FAM193B: variants seen among roughly 807,000 people sequenced by gnomAD.
FAM193B encodes protein FAM193B.
A neutral mutation model predicts 70.7 loss-of-function variants in FAM193B; 27 were observed. That is an observed-to-expected ratio of 0.38 (90% CI 0.28 to 0.53). FAM193B has a LOEUF of 0.53. Ranked by LOEUF, FAM193B falls within the 20% of genes least tolerant of loss-of-function variation. The pLI, the probability that FAM193B is intolerant of heterozygous loss-of-function variation, is 0.81. For missense variants in FAM193B, 1,022 were observed against 1,072.5 expected, an observed-to-expected ratio of 0.95 and a Z score of 0.66; for synonymous variants, 448 against 436.0, an observed-to-expected ratio of 1.03 and a Z score of -0.34.
Position 177,524,962 on chromosome 5 carries a change from C to G in FAM193B, c.1519G>C (p.Ala507Pro), listed in dbSNP as rs1240999104. 2.7e-6 allele frequency: 4 copies of G among 1,508,842 alleles called. No homozygotes were observed. The Admixed American group carries it at 9.3e-5, about 35-fold the overall frequency. The allele number at this position is 1,508,842 out of a possible 1,614,324, so 93.5% of individuals were successfully genotyped here. A position where few individuals can be genotyped will look rare whatever the true frequency, so the allele number is the denominator to read the frequency against. ...MDSNGFSKEGAAEPEPQSLPP... is the reference protein window; with the variant it reads ...MDSNGFSKEGPAEPEPQSLPP... The stretch of plus-strand genomic sequence containing the variant: ...AGACTCTGAGGCTCAGGCTCAGCAG[C>G]CCCCTCCTTAGAGAAGCCATTGCTG... The change falls in exon 6 of 9, where the codon GCT becomes CCT. Residue 507 changes from alanine to proline, a missense_variant. By Grantham distance (27) the Ala-to-Pro change is conservative. Transcript: ENST00000514747.
intron 5 of FAM193B, among the ~76,000 whole-genome samples, chr5:177,530,405 C>A (rs938118521): frequency 2.0e-5 from 3 of 152,206 alleles, no homozygotes; most frequent in African/African-American, 4.8e-5. Context: ...ACCAAGCAAA[C>A]ACCTGGGAGA....
At chr5:177,545,004 C>T (rs1238804791) in intron 1 of FAM193B, among the ~76,000 whole-genome samples, 1 of 151,934 alleles carries the variant, frequency 6.6e-6, no homozygotes, top group East Asian at 1.9e-4. Flanking sequence ...GTCTATTAAG[C>T]CAGATGAAAA....
Position 177,554,240 on chromosome 5 carries a change from C to G in FAM193B, c.210+9G>C. 1 of 1,484,850 alleles carries G rather than the reference C, an allele frequency of 6.7e-7. No homozygotes were observed. The highest frequency in any genetic ancestry group is 8.9e-7 in the Non-Finnish European group (1 of 1,121,674). The allele number at this position is 1,484,850 out of a possible 1,614,324, so 92.0% of individuals were successfully genotyped here. On this transcript the variant is annotated intron_variant, in intron 1 of 8. Transcript: ENST00000514747. Reference sequence around the variant, plus strand: ...CCCGAGCCGCCGAAGTCTCCCCGCTCGCTCCTACCTGCGGGCCGGGCACCA... The same window carrying G: ...CCCGAGCCGCCGAAGTCTCCCCGCTGGCTCCTACCTGCGGGCCGGGCACCA...
chr5:177,549,187 C>CTTT (rs141797022), intron 1 of FAM193B, among the ~76,000 whole-genome samples: 44 of 92,784 alleles, frequency 4.7e-4, no homozygotes, highest in African/African-American at 6.1e-4. Context: ...ATTGTCTTTT[C>CTTT]TTTTTTTTTT....
At chr5:177,550,337 G>T (rs1025153880) in intron 1 of FAM193B, among the ~76,000 whole-genome samples, 6 of 152,144 alleles carry the variant, frequency 3.9e-5, no homozygotes, top group Non-Finnish European at 8.8e-5. Flanking sequence ...GATTCTAAGG[G>T]GGAGGTCCCC....
chr5:177,524,599 C>CGTGT lies in FAM193B; in HGVS notation c.1881_1882insACAC (p.Val628ThrfsTer62). 1 of 1,611,386 alleles carries CGTGT rather than the reference C, an allele frequency of 6.2e-7. No homozygotes were observed. The highest frequency in any genetic ancestry group is 1.7e-5 in the Admixed American group (1 of 59,648). On this transcript the variant is annotated frameshift_variant, in exon 6 of 9. Coordinates refer to ENST00000514747, the MANE Select transcript of FAM193B (RefSeq NM_001190946.3). LOFTEE classifies it high-confidence loss of function. ...TTCTGTGGCTTCCCACCTGAGGACACAGGCTCAGGCAGCTCCTGCTTGCAA... is the reference window on the plus strand; with the variant it reads ...TTCTGTGGCTTCCCACCTGAGGACACGTGTAGGCTCAGGCAGCTCCTGCTTGCAA...
At chr5:177,547,082 GCC>G (rs1765520757) in intron 1 of FAM193B, 1 of 152,190 alleles carries the variant, frequency 6.6e-6, no homozygotes, top group Non-Finnish European at 1.5e-5. Context: ...ATTTCTTTGA[GCC>G]TCAATTTCCT....
chr5:177,552,916 AT>A (rs369200914), intron 1 of FAM193B, among the ~76,000 whole-genome samples: 2 of 152,126 alleles, frequency 1.3e-5, no homozygotes, highest in African/African-American at 4.8e-5. Flanking sequence ...TCACCTAGTT[AT>A]TTTTATTCTG....
intron 8 of FAM193B, among the ~76,000 whole-genome samples, 198 bp downstream of exon 8, chr5:177,521,776 G>A (rs139734480): frequency 3.3e-5 from 5 of 152,352 alleles, no homozygotes; most frequent in East Asian, 3.9e-4. Flanking sequence ...ACAGGTGAGT[G>A]GCTGCGGGAG....
chr5:177,524,667 C>G lies in FAM193B; in HGVS notation c.1814G>C (p.Gly605Ala), dbSNP rs1006700430. ...RVIWVKTPKPGYPSSEEPSSK... is the reference protein window; with the variant it reads ...RVIWVKTPKPAYPSSEEPSSK... Reference sequence around the variant, plus strand: ...GCTTGGCTCCTCGGAGCTGGGGTAGCCCGGCTTGGGTGTCTTGACCCAGAT... The same window carrying G: ...GCTTGGCTCCTCGGAGCTGGGGTAGGCCGGCTTGGGTGTCTTGACCCAGAT... The change falls in exon 6 of 9, where the codon GGC becomes GCC. Residue 605 changes from glycine (G) to alanine (A), a missense_variant. Coordinates refer to ENST00000514747, the MANE Select transcript of FAM193B (RefSeq NM_001190946.3). The G allele has an allele frequency of 1.2e-5, 20 of 1,611,730 alleles. No individual in the cohort carries two copies. The highest frequency in any genetic ancestry group is 1.6e-5 in the Non-Finnish European group (19 of 1,179,156).
intron 8 of FAM193B, among the ~76,000 whole-genome samples, chr5:177,520,513 G>C (rs1020823659): frequency 6.6e-6 from 1 of 152,200 alleles, no homozygotes; most frequent in Non-Finnish European, 1.5e-5. Flanking sequence ...TGCACAGCCC[G>C]GGGGAGGGTG....
chr5:177,523,358 TTTTG>T (rs544864583), intron 7 of FAM193B: 143 of 246,832 alleles, frequency 5.8e-4, no homozygotes, highest in Admixed American at 1.3e-3. Context: ...ATTTTTTGTG[TTTTG>T]TTTTTTTTCC....
At position 177,524,188 on chromosome 5, in the gene FAM193B, A is replaced by G. The variant is rs1461395294; in HGVS notation, c.2293T>C (p.Leu765=). The stretch of plus-strand genomic sequence containing the variant: ...GCTCAGTTCCTGGTGCACTCACCCA[A>G]GGAGGAGGCTGGCTTCTCCTGCTTG... The part of the protein sequence containing the change: ...RNKQEKPASS[L]DDVFLPKDMD... The change falls in exon 6 of 9, where the codon TTG becomes CTG. Residue 765 remains leucine, a synonymous_variant. Coordinates refer to ENST00000514747, the MANE Select transcript of FAM193B (RefSeq NM_001190946.3). 3 of 1,564,320 alleles carry G rather than the reference A, an allele frequency of 1.9e-6. No individual in the cohort carries two copies. Among genetic ancestry groups the G allele is most frequent in the East Asian group, 4.6e-5 (2 of 43,952 alleles).
chr5:177,541,906 T>C (rs572800483), intron 1 of FAM193B, among the ~76,000 whole-genome samples: 1 of 152,352 alleles, frequency 6.6e-6, no homozygotes, highest in South Asian at 2.1e-4. Context: ...TTATATTTAA[T>C]ACAGTGTAAA....
At chr5:177,530,128 AG>A (rs1763232525) in intron 5 of FAM193B, among the ~76,000 whole-genome samples, 1 of 152,200 alleles carries the variant, frequency 6.6e-6, no homozygotes, top group Non-Finnish European at 1.5e-5. Flanking sequence ...GAAGAGGTAA[AG>A]AAGCCACAAG....
intron 1 of FAM193B, among the ~76,000 whole-genome samples, chr5:177,550,990 G>A (rs1000389565): frequency 1.3e-4 from 18 of 143,176 alleles, no homozygotes; most frequent in African/African-American, 4.6e-4. Context: ...CCCATGCCCA[G>A]CTAAGTTTTG....
intron 5 of FAM193B, chr5:177,531,737 C>G (rs1581875811): frequency 4.8e-6 from 3 of 631,522 alleles, no homozygotes; most frequent in Admixed American, 3.8e-5. Flanking sequence ...TGGGCAAACA[C>G]TGACTGGGGA....
At chr5:177,531,223 G>T in intron 5 of FAM193B, 1 of 1,211,608 alleles carries the variant, frequency 8.3e-7, no homozygotes, top group South Asian at 1.5e-5. Flanking sequence ...AGTCCTGGGG[G>T]TTGGGGCGAG....
chr5:177,538,034 G>A lies in FAM193B; in HGVS notation c.527C>T (p.Ser176Leu), dbSNP rs1307907739. The change falls in exon 3 of 9, where the codon TCA becomes TTA. Residue 176 changes from serine to leucine, a missense_variant. Ser to Leu is a moderately radical substitution (Grantham distance 145). Coordinates refer to ENST00000514747, the MANE Select transcript of FAM193B (RefSeq NM_001190946.3). This position sits in a 1 kb window ranked among gnomAD's most constrained non-coding sequence, Gnocchi z 4.1. ...DDSHSSSSSS[S>L]SSSSSSSSSC... ...AGAGGAGGACGAGGATGAGGATGAT[G>A]AGGAGGAAGACGAGGACGAATGAGA... 2 of 1,553,962 alleles carry A rather than the reference G, an allele frequency of 1.3e-6. No individual in the cohort carries two copies. Among genetic ancestry groups the A allele is most frequent in the Non-Finnish European group, 1.7e-6 (2 of 1,148,154 alleles).
Sources: gnomAD v4.1 joint callset for allele counts (sites outside exome capture counted in the v4.1 genomes callset) on GRCh38, gnomAD v4.1.1 for gene constraint, Gnocchi (gnomAD v3.1) non-coding constraint, MANE v1.5 for transcripts, NCBI Gene and HGNC (gene_info 2026-07-23, HGNC 2026-07-21) for gene names.